The following FAM53B variants were observed in gnomAD, a reference collection of about 807,000 sequenced individuals.
The protein encoded by FAM53B is protein FAM53B.
In FAM53B, 12 loss-of-function variants were observed where a neutral mutation model predicts 32.7. The ratio of observed to expected loss-of-function variants is 0.37; its 90% confidence interval spans 0.24 to 0.59. FAM53B has a LOEUF of 0.59. Ranked by LOEUF, FAM53B falls within the 20% of genes least tolerant of loss-of-function variation. FAM53B has a pLI of 0.72. For missense variants in FAM53B, 477 were observed against 577.7 expected (o/e 0.83, Z 1.79); for synonymous variants, 234 against 228.7 (o/e 1.02, Z -0.21).
At chr10:124,715,683 A>T (rs1325940694) in intron 1 of FAM53B, among the ~76,000 whole-genome samples, 1 of 152,218 alleles carries the variant, frequency 6.6e-6, no homozygotes, top group African/African-American at 2.4e-5. Flanking sequence ...TCACAGCAAG[A>T]GCACTGAACT....
At chr10:124,644,520 A>C (rs1167617821) in intron 4 of FAM53B, among the ~76,000 whole-genome samples, 1 of 152,192 alleles carries the variant, frequency 6.6e-6, no homozygotes, top group Non-Finnish European at 1.5e-5. Flanking sequence ...CTTTCAGTGA[A>C]ATGCACATCA....
chr10:124,670,397 C>T (rs1949700887), intron 4 of FAM53B, among the ~76,000 whole-genome samples: 2 of 152,128 alleles, frequency 1.3e-5, no homozygotes, highest in Admixed American at 1.3e-4. Flanking sequence ...AGATCCTGGC[C>T]CCAGAGCCCT....
rs552768233 is a variant in FAM53B, at chr10:124,710,805, C to T, written c.-174-3918G>A. 5.3e-5 allele frequency among the ~76,000 whole-genome samples: 8 copies of T among 152,264 alleles called. No homozygotes were observed. The East Asian group carries it at 1.2e-3, about 22-fold the overall frequency. On this transcript the variant is annotated intron_variant, in intron 1 of 4. Transcript: ENST00000337318. Reference sequence around the variant, plus strand: ...GCCAGATTGAATTATCCCCATTTTACAGCCATATACAGCAACTCACCCAGG... The same window carrying T: ...GCCAGATTGAATTATCCCCATTTTATAGCCATATACAGCAACTCACCCAGG...
At chr10:124,726,003 G>A (rs970786860) in intron 1 of FAM53B, among the ~76,000 whole-genome samples, 68 of 152,106 alleles carry the variant, frequency 4.5e-4, no homozygotes, top group African/African-American at 1.6e-3. Flanking sequence ...GCGTGGACCC[G>A]GATCAGTAGA....
chr10:124,630,731 C>T (rs141799274), intron 4 of FAM53B, among the ~76,000 whole-genome samples: 124 of 152,324 alleles, frequency 8.1e-4, no homozygotes, highest in African/African-American at 2.8e-3. Flanking sequence ...TAAATATCTT[C>T]AGGGTGGAAG....
chr10:124,725,135 T>C (rs570281965), intron 1 of FAM53B, among the ~76,000 whole-genome samples: 1 of 152,208 alleles, frequency 6.6e-6, no homozygotes, highest in Non-Finnish European at 1.5e-5. Flanking sequence ...CACCTCCCAG[T>C]GACTACATCT....
intron 4 of FAM53B, among the ~76,000 whole-genome samples, chr10:124,652,033 G>C (rs769747714): frequency 2.0e-5 from 3 of 152,208 alleles, no homozygotes; most frequent in Non-Finnish European, 4.4e-5. Flanking sequence ...CATACCTGGA[G>C]AATTTCAAAG....
intron 4 of FAM53B, among the ~76,000 whole-genome samples, chr10:124,648,774 G>A (rs139465496): frequency 6.6e-6 from 1 of 152,246 alleles, no homozygotes; most frequent in Non-Finnish European, 1.5e-5. Context: ...CACCTGTCCC[G>A]CCTGTTCGGG....
In FAM53B at chr10:124,741,458, C is replaced by T. The variant is rs138632276; in HGVS notation, c.-175+2555G>A. On this transcript the variant is annotated intron_variant, in intron 1 of 4. Coordinates refer to ENST00000337318, the MANE Select transcript of FAM53B (RefSeq NM_014661.4). ...GAAGAGTGTGCTTTTTAAAAGAGCT[C>T]CGCAGCGTCCCCTGCTGCCAGCTCC... 2.6e-5 allele frequency among the ~76,000 whole-genome samples: 4 copies of T among 152,312 alleles called. No individual in the cohort carries two copies. In the East Asian group the frequency reaches 7.7e-4, roughly 29 times the overall value.
intron 1 of FAM53B, among the ~76,000 whole-genome samples, chr10:124,740,824 G>A (rs1366463295): frequency 1.3e-5 from 2 of 152,224 alleles, no homozygotes; most frequent in African/African-American, 2.4e-5. Context: ...GTTTTGTGGC[G>A]TGGAGGGGAG....
chr10:124,702,383 G>A, intron 2 of FAM53B, among the ~76,000 whole-genome samples: 1 of 152,232 alleles, frequency 6.6e-6, no homozygotes, highest in East Asian at 1.9e-4. Context: ...ACCTTTGCTG[G>A]CTGTTCAAAG....
intron 1 of FAM53B, among the ~76,000 whole-genome samples, chr10:124,710,458 C>T (rs1413132804): frequency 6.6e-6 from 1 of 152,250 alleles, no homozygotes; most frequent in Non-Finnish European, 1.5e-5. Flanking sequence ...CTGGAATTTC[C>T]TGGGATTCCT....
At position 124,657,037 on chromosome 10, in the gene FAM53B, A is replaced by AAT. The variant is rs111926780; in HGVS notation, c.906+24568_906+24569dup. Among the ~76,000 whole-genome samples the AAT allele has an allele frequency of 2.9e-3, 424 of 146,926 alleles. 2 individuals carry two copies. Among genetic ancestry groups the AAT allele is most frequent in the Non-Finnish European group, 4.6e-3 (310 of 66,986 alleles). Reference sequence around the variant, plus strand: ...CATGTACCCTAGAACTTAAAGTATAAATATATATATATATGTATATATGTA... The same window carrying AAT: ...CATGTACCCTAGAACTTAAAGTATAAATATATATATATATATGTATATATGTA... On this transcript the variant is annotated intron_variant, in intron 4 of 4. Coordinates refer to ENST00000337318, the MANE Select transcript of FAM53B (RefSeq NM_014661.4).
chr10:124,726,135 A>C (rs902347785), intron 1 of FAM53B, among the ~76,000 whole-genome samples: 2 of 152,174 alleles, frequency 1.3e-5, no homozygotes, highest in Non-Finnish European at 2.9e-5. Context: ...GGTGGTTCCT[A>C]AAGTTTGAAA....
At chr10:124,652,102 G>C (rs1411485679) in intron 4 of FAM53B, among the ~76,000 whole-genome samples, 1 of 152,134 alleles carries the variant, frequency 6.6e-6, no homozygotes, top group Non-Finnish European at 1.5e-5. Flanking sequence ...ATCCCCTCTA[G>C]TTTTTCATTT....
At chr10:124,740,942 T>G (rs1199249975) in intron 1 of FAM53B, among the ~76,000 whole-genome samples, 1 of 152,104 alleles carries the variant, frequency 6.6e-6, no homozygotes, top group African/African-American at 2.4e-5. Context: ...ACCGGTTCTT[T>G]CAAAAGAGGA....
At chr10:124,740,930 G>A (rs183368128) in intron 1 of FAM53B, among the ~76,000 whole-genome samples, 41 of 152,282 alleles carry the variant, frequency 2.7e-4, no homozygotes, top group Admixed American at 2.7e-3. Context: ...TGTTGGCAAC[G>A]AACCGGTTCT....
At chr10:124,625,654 A>C (rs1949343131) in intron 4 of FAM53B, among the ~76,000 whole-genome samples, 1 of 152,198 alleles carries the variant, frequency 6.6e-6, no homozygotes, top group African/African-American at 2.4e-5. Flanking sequence ...GTGAGGTGGA[A>C]GCCCCAGTGC....
In FAM53B at chr10:124,622,868, A is replaced by T; in HGVS notation, c.*374T>A. On this transcript the variant is annotated 3_prime_UTR_variant, in exon 5 of 5. Coordinates refer to ENST00000337318, the MANE Select transcript of FAM53B (RefSeq NM_014661.4). ...TGGCCCCCACCCCAGGCCCTCCCTG[A>T]CAGCCCCCACCACCAGGGGGATACA... The T allele has an allele frequency of 5.8e-6, 1 of 173,302 alleles. No homozygotes were observed. The highest frequency in any genetic ancestry group is 1.6e-4 in the South Asian group (1 of 6,434). 10.7% of individuals were successfully genotyped at this position (173,302 alleles called of 1,614,324 possible).
Sources: allele counts gnomAD v4.1 joint callset (sites outside exome capture counted in the v4.1 genomes callset), GRCh38; gene constraint gnomAD v4.1.1; transcripts MANE v1.5; gene names NCBI Gene and HGNC (gene_info 2026-07-23, HGNC 2026-07-21).